The following CREBBP variants were observed in gnomAD, a reference collection of about 807,000 sequenced individuals.
CREBBP encodes CREB-binding protein.
Under a neutral mutation model 265.0 loss-of-function variants are expected in CREBBP, and 19 were observed. The observed-to-expected ratio is 0.07, with a 90% CI of 0.05 to 0.11. The LOEUF is 0.11. Ranked by LOEUF, CREBBP falls within the 10% of genes least tolerant of loss-of-function variation. The pLI, the probability that CREBBP is intolerant of heterozygous loss-of-function variation, is 1.00. For missense variants in CREBBP, 2,525 were observed against 3,219.0 expected, an observed-to-expected ratio of 0.78 and a Z score of 5.22; for synonymous variants, 1,457 against 1,223.7, an observed-to-expected ratio of 1.19 and a Z score of -3.98.
At chr16:3,807,823 C>A (rs2053859887) in intron 3 of CREBBP, among the ~76,000 whole-genome samples, 1 of 152,182 alleles carries the variant, frequency 6.6e-6, no homozygotes, top group African/African-American at 2.4e-5. Flanking sequence ...TCCCACCAGC[C>A]CCTCTGGTTC....
intron 23 of CREBBP, chr16:3,741,181 C>T (rs746590597): frequency 7.8e-5 from 13 of 167,314 alleles, no homozygotes; most frequent in Non-Finnish European, 1.6e-4. Context: ...GGGCCAGCCC[C>T]GGGAGGGCTA....
At chr16:3,857,553 A>C (rs970856900) in intron 1 of CREBBP, among the ~76,000 whole-genome samples, 16 of 152,184 alleles carry the variant, frequency 1.1e-4, no homozygotes, top group Non-Finnish European at 1.6e-4. Flanking sequence ...AAGTGTCCCA[A>C]CACATGGGTT....
At chr16:3,772,323 A>G (rs1014344906) in intron 13 of CREBBP, among the ~76,000 whole-genome samples, 8 of 103,542 alleles carry the variant, frequency 7.7e-5, no homozygotes, top group African/African-American at 2.6e-4. Context: ...TCTCTCTGAA[A>G]CACAAACACA....
At chr16:3,739,421 T>C (rs1769387109) in intron 25 of CREBBP, 157 bp downstream of exon 25, 2 of 853,594 alleles carry the variant, frequency 2.3e-6, no homozygotes, top group Admixed American at 2.4e-5. Context: ...GCTAGTTTAA[T>C]GGAAAACAAA....
At chr16:3,783,663 T>C (rs1431003997) in intron 5 of CREBBP, among the ~76,000 whole-genome samples, 9 of 152,206 alleles carry the variant, frequency 5.9e-5, no homozygotes, top group Non-Finnish European at 1.2e-4. Context: ...ATGGGTCTTA[T>C]TATCCAGGGG....
At chr16:3,740,321 G>A (rs544775287) in intron 24 of CREBBP, 78 bp downstream of exon 24, 1 of 1,566,656 alleles carries the variant, frequency 6.4e-7, no homozygotes, top group African/African-American at 1.4e-5. Flanking sequence ...TCAAACTCAA[G>A]AGCTTTGCAG....
chr16:3,769,077 A>C (rs2052933423), intron 15 of CREBBP, 97 bp downstream of exon 15: 2 of 1,370,902 alleles, frequency 1.5e-6, no homozygotes, highest in Admixed American at 3.4e-5. Context: ...TTTTAACTAA[A>C]GTCAGGGATA....
chr16:3,737,790 CTTTT>C (rs1248691425), intron 26 of CREBBP, among the ~76,000 whole-genome samples: 1 of 150,216 alleles, frequency 6.7e-6, no homozygotes, highest in Non-Finnish European at 1.5e-5. Context: ...TCTTTTCTTT[CTTTT>C]TTCTTTTTTT....
intron 16 of CREBBP, among the ~76,000 whole-genome samples, chr16:3,759,262 A>C (rs2052655038): frequency 6.6e-6 from 1 of 152,182 alleles, no homozygotes; most frequent in African/African-American, 2.4e-5. Flanking sequence ...CTAACTCCCA[A>C]ATCTGTCTCA....
Position 3,731,729 on chromosome 16 carries a change from C to T in CREBBP, c.4890+47G>A, listed in dbSNP as rs924666266. The T allele has an allele frequency of 1.2e-6, 2 of 1,613,152 alleles. No homozygotes were observed. Among genetic ancestry groups the T allele is most frequent in the Non-Finnish European group, 8.5e-7 (1 of 1,179,384 alleles). ...ACGCCCGCCAGCTGCGAGTCTTTCC[C>T]TCCTCCCGGCCAGAGGCACGGCTGC... On this transcript the variant is annotated intron_variant, in intron 29 of 30. Transcript: ENST00000262367. This position sits in a 1 kb window ranked among gnomAD's most constrained non-coding sequence, Gnocchi z 7.7.
At position 3,879,258 on chromosome 16, in the gene CREBBP, AC is replaced by A. The variant is rs2055470424; in HGVS notation, c.85+573del. ...CGCACACACACACACACACACACAC[AC>A]ACAAAACAAGGAGTTTTGAAAATAA... On this transcript the variant is annotated intron_variant, in intron 1 of 30. Transcript: ENST00000262367. 4.0e-5 allele frequency among the ~76,000 whole-genome samples: 6 copies of A among 149,406 alleles called. No homozygotes were observed. In the East Asian group the frequency reaches 6.3e-4, roughly 16 times the overall value.
intron 20 of CREBBP, among the ~76,000 whole-genome samples, chr16:3,750,625 C>A (rs559976768): frequency 1.6e-4 from 24 of 152,344 alleles, no homozygotes; most frequent in Non-Finnish European, 1.9e-4. Context: ...GAAGGTAACT[C>A]TGCCGGATAA....
intron 21 of CREBBP, among the ~76,000 whole-genome samples, chr16:3,748,906 G>A (rs1275387145): frequency 6.6e-6 from 1 of 152,226 alleles, no homozygotes; most frequent in Non-Finnish European, 1.5e-5. Flanking sequence ...AGCACTTTGG[G>A]AGGCCGAGAC....
intron 5 of CREBBP, among the ~76,000 whole-genome samples, chr16:3,789,316 G>A (rs185520695): frequency 6.6e-6 from 1 of 152,320 alleles, no homozygotes; most frequent in African/African-American, 2.4e-5. Context: ...CCAGTCAAAT[G>A]CATGCCCTCA....
rs554493687 is a variant in CREBBP at position 3,758,881 on chromosome 16, A to C, written c.3342T>G (p.Pro1114=). 6.2e-7 allele frequency: 1 copy of C among 1,612,682 alleles called. No homozygotes were observed. Among genetic ancestry groups the C allele is most frequent in the African/African-American group, 1.3e-5 (1 of 75,004 alleles). ...QDPESLPFRQ[P]VDPQLLGIPD... ...GAATTCCGAGGAGCTGGGGATCTAC[A>C]GGCTGCCGGAAAGGTAATGACTCTG... The change falls in exon 17 of 31, where the codon CCT becomes CCG. Residue 1114 remains proline (P), a synonymous_variant. Transcript: ENST00000262367.
Position 3,778,021 on chromosome 16 carries a change from C to G in CREBBP, c.2103G>C (p.Val701=), listed in dbSNP as rs2141232579. The G allele has an allele frequency of 6.2e-7, 1 of 1,614,248 alleles. No homozygotes were observed. The highest frequency in any genetic ancestry group is 2.2e-5 in the East Asian group (1 of 44,892). The change falls in exon 10 of 31, where the codon GTG becomes GTC. Residue 701 remains valine (V), a synonymous_variant. Transcript: ENST00000262367. Reference sequence around the variant, plus strand: ...AAATAAAATCCTTACTTGGAGGTCTCACAGGTTGTGCCTGTGGAATCACAG... The same window carrying G: ...AAATAAAATCCTTACTTGGAGGTCTGACAGGTTGTGCCTGTGGAATCACAG... The part of the protein sequence containing the change: ...QPPVIPQAQP[V]RPPNGPLSLP...
rs2052643542 is a variant in CREBBP at position 3,758,768 on chromosome 16, A to G, written c.3369+86T>C. The G allele has an allele frequency of 6.8e-6, 7 of 1,024,092 alleles. No individual in the cohort carries two copies. In the East Asian group the frequency reaches 1.7e-4, roughly 24 times the overall value. The allele number at this position is 1,024,092 out of a possible 1,614,324, so 63.4% of individuals were successfully genotyped here. A position where few individuals can be genotyped will look rare whatever the true frequency, so the allele number is the denominator to read the frequency against. Reference sequence around the variant, plus strand: ...GAACAATCTTCAAGGCAGGGGGATTATTTTATCTAATTTCAAGAGATAAAA... The same window carrying G: ...GAACAATCTTCAAGGCAGGGGGATTGTTTTATCTAATTTCAAGAGATAAAA... On this transcript the variant is annotated intron_variant, in intron 17 of 30. Coordinates refer to ENST00000262367, the MANE Select transcript of CREBBP (RefSeq NM_004380.3).
At chr16:3,809,982 C>T (rs2053904592) in intron 3 of CREBBP, among the ~76,000 whole-genome samples, 1 of 151,946 alleles carries the variant, frequency 6.6e-6, no homozygotes, top group Admixed American at 6.6e-5. Context: ...CGCACTACCC[C>T]TCAGTGTTTT....
chr16:3,761,250 T>G (rs1203843582), intron 16 of CREBBP, among the ~76,000 whole-genome samples: 1 of 152,194 alleles, frequency 6.6e-6, no homozygotes, highest in Non-Finnish European at 1.5e-5. Context: ...TGAGCCACCA[T>G]GCCCGGCTGA....
Sources: allele counts gnomAD v4.1 joint callset (sites outside exome capture counted in the v4.1 genomes callset), GRCh38; gene constraint gnomAD v4.1.1; non-coding constraint Gnocchi (gnomAD v3.1); transcripts MANE v1.5; gene names NCBI Gene and HGNC (gene_info 2026-07-23, HGNC 2026-07-21).